GALNT13: variants seen among roughly 807,000 people sequenced by gnomAD.
GALNT13 encodes the protein UDP-GalNAc:polypeptide N-acetylgalactosaminyltransferase 13.
Under a neutral mutation model 64.2 loss-of-function variants are expected in GALNT13, and 28 were observed. The observed-to-expected ratio is 0.44, with a 90% confidence interval of 0.32 to 0.60. The LOEUF is 0.60. GALNT13 is among the 20% of genes least tolerant of loss of function. The pLI is 0.05. For synonymous variants in GALNT13, 214 were observed against 224.6 expected (o/e 0.95, Z 0.42); for missense variants, 577 against 669.8 (o/e 0.86, Z 1.53).
the GALNT13 span, among the ~76,000 whole-genome samples, chr2:153,198,551 A>C: frequency 1.3e-5 from 2 of 152,080 alleles, no homozygotes; most frequent in African/African-American, 4.8e-5. Flanking sequence ...GCTATTGACT[A>C]TTTTGGTTCT....
At chr2:153,894,629 A>G (rs1328870188) in intron 1 of GALNT13, among the ~76,000 whole-genome samples, 3 of 152,126 alleles carry the variant, frequency 2.0e-5, no homozygotes, top group Non-Finnish European at 4.4e-5. Context: ...TTTTGAAGTT[A>G]TAGATTAATC....
chr2:154,330,311 G>A (rs367800186), intron 9 of GALNT13, among the ~76,000 whole-genome samples: 29 of 152,234 alleles, frequency 1.9e-4, no homozygotes, highest in African/African-American at 6.5e-4. Context: ...CCATTCGTTA[G>A]TATAACACCC....
At chr2:153,205,772 T>C in the GALNT13 span, among the ~76,000 whole-genome samples, 3 of 152,116 alleles carry the variant, frequency 2.0e-5, no homozygotes, top group African/African-American at 7.2e-5. Context: ...TTGATTTATG[T>C]CTATCAACAG....
the GALNT13 span, among the ~76,000 whole-genome samples, chr2:153,180,991 C>G: frequency 8.3e-6 from 1 of 120,158 alleles, no homozygotes; most frequent in South Asian, 2.5e-4. Flanking sequence ...TATTATTTTC[C>G]TAGTCTCTAT....
the GALNT13 span, among the ~76,000 whole-genome samples, chr2:153,389,171 G>A: frequency 0.013 from 1,916 of 152,156 alleles, 47 homozygotes; most frequent in African/African-American, 0.044. Flanking sequence ...AACTGACTGA[G>A]GCTGTGTCTT....
chr2:153,470,311 A>C, the GALNT13 span, among the ~76,000 whole-genome samples: 1 of 152,036 alleles, frequency 6.6e-6, no homozygotes, highest in African/African-American at 2.4e-5. Context: ...TTTGAATAGA[A>C]CCAACTCTCC....
chr2:153,138,367 A>G, the GALNT13 span, among the ~76,000 whole-genome samples: 14 of 152,198 alleles, frequency 9.2e-5, no homozygotes, highest in African/African-American at 3.4e-4. Flanking sequence ...CCTGAGGCAA[A>G]TACTTAAACA....
chr2:153,162,651 C>T, the GALNT13 span, among the ~76,000 whole-genome samples: 1 of 152,160 alleles, frequency 6.6e-6, no homozygotes, highest in Non-Finnish European at 1.5e-5. Context: ...GTAACATATG[C>T]TACCTAGATA....
At chr2:153,126,430 A>G in the GALNT13 span, among the ~76,000 whole-genome samples, 1 of 151,252 alleles carries the variant, frequency 6.6e-6, no homozygotes, top group African/African-American at 2.4e-5. Context: ...TCTACTTCTA[A>G]CAAAATGTTT....
the GALNT13 span, among the ~76,000 whole-genome samples, chr2:153,579,182 C>T: frequency 6.6e-6 from 1 of 152,260 alleles, no homozygotes; most frequent in East Asian, 1.9e-4. Flanking sequence ...AAAAACTATC[C>T]TGAGTGGCTA....
chr2:153,394,273 A>G, the GALNT13 span, among the ~76,000 whole-genome samples: 2 of 152,144 alleles, frequency 1.3e-5, no homozygotes, highest in East Asian at 1.9e-4. Flanking sequence ...GATTGTTGCT[A>G]CAATATAACC....
the GALNT13 span, among the ~76,000 whole-genome samples, chr2:153,431,379 G>A: frequency 6.7e-6 from 1 of 150,208 alleles, no homozygotes; most frequent in Non-Finnish European, 1.5e-5. Context: ...ATGTGTAGAT[G>A]TCTTTCAGCT....
rs1052409486 is a variant in GALNT13, at chr2:154,386,483, A to T, written c.1157-9508A>T. On this transcript the variant is annotated intron_variant, in intron 9 of 12. Transcript: ENST00000392825. Reference sequence around the variant, plus strand: ...CTGAGAAAGTACTCAGATAAGACAAATATAACTTTCTCAAGTTTCAAGACT... The same window carrying T: ...CTGAGAAAGTACTCAGATAAGACAATTATAACTTTCTCAAGTTTCAAGACT... Among the ~76,000 whole-genome samples the T allele has an allele frequency of 2.6e-5, 4 of 152,056 alleles. No individual in the cohort carries two copies. The East Asian group carries it at 7.7e-4, about 29-fold the overall frequency.
chr2:153,706,757 T>C, the GALNT13 span, among the ~76,000 whole-genome samples: 8 of 152,196 alleles, frequency 5.3e-5, no homozygotes, highest in Non-Finnish European at 1.2e-4. Flanking sequence ...TCCTTCCCAA[T>C]ACGGCATAGT....
At chr2:154,280,293 C>T (rs1475708540) in intron 8 of GALNT13, among the ~76,000 whole-genome samples, 2 of 152,084 alleles carry the variant, frequency 1.3e-5, no homozygotes, top group Non-Finnish European at 2.9e-5. Context: ...GGCCTGTAAG[C>T]TACTAGAGAG....
intron 3 of GALNT13, among the ~76,000 whole-genome samples, chr2:153,969,781 A>T (rs1027139779): frequency 1.3e-5 from 2 of 152,142 alleles, no homozygotes; most frequent in Admixed American, 6.6e-5. Flanking sequence ...GCCACATAGT[A>T]TAGTTCTATG....
At chr2:153,384,801 T>C in the GALNT13 span, among the ~76,000 whole-genome samples, 1 of 152,044 alleles carries the variant, frequency 6.6e-6, no homozygotes, top group Non-Finnish European at 1.5e-5. Flanking sequence ...ATCTCTTTTT[T>C]TCAAATTAAT....
intron 11 of GALNT13, among the ~76,000 whole-genome samples, chr2:154,420,361 C>T (rs1700197685): frequency 6.6e-6 from 1 of 152,086 alleles, no homozygotes; most frequent in South Asian, 2.1e-4. Flanking sequence ...AATTTGTCTC[C>T]ATTAAACTAG....
At chr2:153,307,626 G>A in the GALNT13 span, among the ~76,000 whole-genome samples, 2 of 151,904 alleles carry the variant, frequency 1.3e-5, no homozygotes, top group African/African-American at 4.8e-5. Flanking sequence ...TGTAAATTGT[G>A]GCTATGCTAC....
Sources: gnomAD v4.1 joint callset for allele counts (sites outside exome capture counted in the v4.1 genomes callset) on GRCh38, gnomAD v4.1.1 for gene constraint, MANE v1.5 for transcripts, NCBI Gene and HGNC (gene_info 2026-07-23, HGNC 2026-07-21) for gene names.